TUB: variants seen among roughly 807,000 people sequenced by gnomAD.
TUB encodes the protein tubby protein homolog.
TUB carries 33 observed loss-of-function variants against 59.7 expected under a neutral mutation model. That is an observed-to-expected ratio of 0.55 (90% CI 0.42 to 0.74). The LOEUF (loss-of-function observed/expected upper bound fraction) is 0.74. TUB is among the 30% of genes least tolerant of loss of function. The pLI is 0.00. For missense variants in TUB, 659 were observed against 672.0 expected (o/e 0.98, Z 0.21); for synonymous variants, 293 against 256.4 (o/e 1.14, Z -1.36).
intron 3 of TUB, among the ~76,000 whole-genome samples, chr11:8,092,976 A>T (rs1943830567): frequency 6.6e-6 from 1 of 151,964 alleles, no homozygotes; most frequent in Admixed American, 6.6e-5. Context: ...TCAGTTCTTA[A>T]ATATTTATTG....
In TUB at chr11:8,094,154, G is replaced by A. The variant is rs762082610; in HGVS notation, c.362G>A (p.Gly121Asp). The A allele has an allele frequency of 1.2e-6, 2 of 1,613,978 alleles. No homozygotes were observed. The highest frequency in any genetic ancestry group is 2.2e-5 in the South Asian group (2 of 91,052). Residue 121 changes from glycine to aspartate, a missense_variant, in exon 4 of 12, where the codon GGC becomes GAC. Coordinates refer to ENST00000299506, the MANE Select transcript of TUB (RefSeq NM_177972.3). ...GCAGCTACAGCAGGGGGCCAGGGTGGCGCCGCTAGGAAGGAGAAGAAGGGA... is the reference window on the plus strand; with the variant it reads ...GCAGCTACAGCAGGGGGCCAGGGTGACGCCGCTAGGAAGGAGAAGAAGGGA... ...KAAATAGGQG[G>D]AARKEKKGKH...
At chr11:8,051,467 A>G (rs74630120) in intron 2 of TUB, among the ~76,000 whole-genome samples, 1,924 of 152,224 alleles carry the variant, frequency 0.013, 33 homozygotes, top group African/African-American at 0.04. Flanking sequence ...AAATCTCTGT[A>G]CTCTTGTGAT....
intron 2 of TUB, chr11:8,062,227 A>T (rs1393810574): frequency 7.1e-6 from 1 of 140,006 alleles, no homozygotes; most frequent in Non-Finnish European, 1.5e-5. Flanking sequence ...TTATAAAATG[A>T]CTCCGTAAGT....
upstream of TUB, chr11:8,077,385 G>A (rs114336620): frequency 2.5e-3 from 380 of 152,172 alleles, 3 homozygotes; most frequent in African/African-American, 7.9e-3. Flanking sequence ...CTGCCACACC[G>A]AACCATTCAC....
chr11:8,042,903 C>A (rs1942775905), intron 2 of TUB, among the ~76,000 whole-genome samples: 1 of 152,148 alleles, frequency 6.6e-6, no homozygotes, highest in Admixed American at 6.5e-5. Flanking sequence ...TCTTCACTTT[C>A]TTGATGGTGT....
At position 8,101,500 on chromosome 11, in the gene TUB, A is replaced by T; in HGVS notation, c.1402A>T (p.Met468Leu). ...IHGNDPDYIV[M>L]QFGRVAEDVF... is the part of the protein sequence containing the mutation. ...CTTGGCCCCAGCGGACTACATCGTG[A>T]TGCAGTTTGGCCGGGTAGCAGAGGA... is the stretch of plus-strand genomic sequence containing the variant. Residue 468 changes from methionine (M) to leucine (L), a missense_variant, in exon 12 of 12, where the codon ATG becomes TTG. By Grantham distance (15) the Met-to-Leu change is conservative. Around this residue, in one of 3 missense-constraint regions of TUB, gnomAD observed 226 missense variants for 210.8 expected, o/e 1.07. Transcript: ENST00000299506. 6.2e-7 allele frequency: 1 copy of T among 1,614,124 alleles called. No individual in the cohort carries two copies. Among genetic ancestry groups the T allele is most frequent in the Non-Finnish European group, 8.5e-7 (1 of 1,180,044 alleles).
upstream of TUB, chr11:8,038,619 A>G (rs898551198): frequency 2.8e-5 from 34 of 1,210,122 alleles, no homozygotes; most frequent in Non-Finnish European, 3.5e-5. Context: ...CCTGTGTGGC[A>G]TGGCCACTGA....
intron 2 of TUB, among the ~76,000 whole-genome samples, chr11:8,064,356 G>T (rs1382909337): frequency 6.6e-6 from 1 of 152,168 alleles, no homozygotes; most frequent in East Asian, 1.9e-4. Context: ...AGATTACCAT[G>T]TTATGCTTGT....
intron 1 of TUB, among the ~76,000 whole-genome samples, chr11:8,088,711 G>A (rs960317135): frequency 2.0e-5 from 3 of 152,174 alleles, no homozygotes; most frequent in Admixed American, 6.5e-5. Flanking sequence ...TAGCATTTGG[G>A]CCTAGGTCTC....
At chr11:8,085,347 G>C (rs1032417385) in intron 1 of TUB, among the ~76,000 whole-genome samples, 13 of 152,244 alleles carry the variant, frequency 8.5e-5, no homozygotes, top group African/African-American at 3.1e-4. Context: ...CCCGCCAGCA[G>C]TTTGAATGCA....
At position 8,094,133 on chromosome 11, in the gene TUB, C is replaced by A. The variant is rs1943880084; in HGVS notation, c.341C>A (p.Ala114Asp). ...TCAGCCAAGAGAACCAAGGCGGCAG[C>A]TACAGCAGGGGGCCAGGGTGGCGCC... ...PASAKRTKAA[A>D]TAGGQGGAAR... Residue 114 changes from alanine to aspartate, a missense_variant, in exon 4 of 12, where the codon GCT becomes GAT. Physicochemically the swap from Ala to Asp is moderately radical, Grantham distance 126. Around this residue, in one of 3 missense-constraint regions of TUB, gnomAD observed 321 missense variants for 304.3 expected, o/e 1.05. Transcript: ENST00000299506. The A allele has an allele frequency of 3.1e-6, 5 of 1,614,150 alleles. No homozygotes were observed. In the East Asian group the frequency reaches 1.1e-4, roughly 36 times the overall value.
At chr11:8,043,897 T>G (rs932562176) in intron 2 of TUB, among the ~76,000 whole-genome samples, 1 of 152,210 alleles carries the variant, frequency 6.6e-6, no homozygotes, top group Admixed American at 6.5e-5. Flanking sequence ...GCCTTTTGTT[T>G]CATTTTCTTG....
upstream of TUB, among the ~76,000 whole-genome samples, chr11:8,034,141 C>CGT (rs1237097373): frequency 6.6e-6 from 1 of 152,192 alleles, no homozygotes; most frequent in Non-Finnish European, 1.5e-5. Flanking sequence ...CTAACAGCAA[C>CGT]GTGTGGCTAT....
At chr11:8,099,940 A>T (rs756608529) in intron 9 of TUB, among the ~76,000 whole-genome samples, 3 of 152,192 alleles carry the variant, frequency 2.0e-5, no homozygotes, top group Admixed American at 6.5e-5. Flanking sequence ...GTGCAGGTGA[A>T]GTCACATCTC....
chr11:8,072,871 C>T (rs976422958), intron 2 of TUB, among the ~76,000 whole-genome samples: 3 of 152,126 alleles, frequency 2.0e-5, no homozygotes, highest in African/African-American at 4.8e-5. Context: ...AACAATAAAG[C>T]GAGAATTCTC....
intron 1 of TUB, among the ~76,000 whole-genome samples, chr11:8,086,889 T>G (rs1448981239): frequency 2.6e-5 from 4 of 152,224 alleles, no homozygotes; most frequent in Non-Finnish European, 5.9e-5. Flanking sequence ...TCATCCATAT[T>G]TCTCTGAAGG....
In TUB at chr11:8,100,947, G is replaced by A. The variant is rs747234368; in HGVS notation, c.1337G>A (p.Arg446His). 33 of 1,614,162 alleles carry A rather than the reference G, an allele frequency of 2.0e-5. No homozygotes were observed. The highest frequency in any genetic ancestry group is 2.4e-5 in the Non-Finnish European group (28 of 1,180,026). The change falls in exon 11 of 12, where the codon CGC becomes CAC. Residue 446 changes from arginine (R) to histidine (H), a missense_variant. This residue lies in a region of TUB where 226 missense variants were observed against 210.8 expected (regional missense o/e 1.07). Coordinates refer to ENST00000299506, the MANE Select transcript of TUB (RefSeq NM_177972.3). ...TQSYVLNFHG[R>H]VTQASVKNFQ... is the part of the protein sequence containing the mutation. ...TCCTATGTACTCAACTTCCATGGGC[G>A]CGTCACACAGGCCTCCGTGAAGAAC...
intron 2 of TUB, among the ~76,000 whole-genome samples, chr11:8,065,243 A>C (rs186093932): frequency 1.2e-4 from 19 of 152,286 alleles, no homozygotes; most frequent in Non-Finnish European, 2.2e-4. Flanking sequence ...AAGGTCCTCC[A>C]GGCTTTGGGA....
At chr11:8,059,526 A>T (rs1396517444) in intron 2 of TUB, among the ~76,000 whole-genome samples, 1 of 151,806 alleles carries the variant, frequency 6.6e-6, no homozygotes, top group Non-Finnish European at 1.5e-5. Flanking sequence ...ATGCTAGGGG[A>T]TGGTGAAGCA....
Sources: gnomAD v4.1 joint callset for allele counts (sites outside exome capture counted in the v4.1 genomes callset) on GRCh38, gnomAD v4.1.1 for gene constraint, gnomAD v4.1.1 regional missense constraint, MANE v1.5 for transcripts, NCBI Gene and HGNC (gene_info 2026-07-23, HGNC 2026-07-21) for gene names.